The following KCNQ3 variants were observed in gnomAD, a reference collection of about 807,000 sequenced individuals.
The protein encoded by KCNQ3 is potassium voltage-gated channel subfamily KQT member 3.
A neutral mutation model predicts 92.5 loss-of-function variants in KCNQ3; 30 were observed. The ratio of observed to expected loss-of-function variants is 0.32; its 90% confidence interval spans 0.24 to 0.44. The LOEUF (loss-of-function observed/expected upper bound fraction) is 0.44. Ranked by LOEUF, KCNQ3 falls within the 20% of genes least tolerant of loss-of-function variation. The pLI, the probability that KCNQ3 is intolerant of heterozygous loss-of-function variation, is 1.00. For missense variants in KCNQ3, 913 were observed against 1,140.3 expected, an observed-to-expected ratio of 0.80 and a Z score of 2.87; for synonymous variants, 450 against 468.8, an observed-to-expected ratio of 0.96 and a Z score of 0.52.
At chr8:132,436,393 A>T (rs994354445) in intron 1 of KCNQ3, among the ~76,000 whole-genome samples, 3 of 152,244 alleles carry the variant, frequency 2.0e-5, no homozygotes, top group African/African-American at 7.2e-5. Flanking sequence ...CAGTATCTAG[A>T]TCCATGCGGA....
intron 1 of KCNQ3, among the ~76,000 whole-genome samples, chr8:132,246,848 T>C (rs142949929): frequency 8.5e-5 from 13 of 152,326 alleles, no homozygotes; most frequent in African/African-American, 3.1e-4. Context: ...CACCATGCAC[T>C]GCATGTGTGA....
At chr8:132,237,301 T>C (rs1376359506) in intron 1 of KCNQ3, among the ~76,000 whole-genome samples, 1 of 152,196 alleles carries the variant, frequency 6.6e-6, no homozygotes, top group Non-Finnish European at 1.5e-5. Context: ...ATGATGATGA[T>C]GATGGTACAA....
chr8:132,277,351 T>A (rs1265249889), intron 1 of KCNQ3, among the ~76,000 whole-genome samples: 1 of 152,186 alleles, frequency 6.6e-6, no homozygotes, highest in Non-Finnish European at 1.5e-5. Context: ...TCCTCCAACA[T>A]CTGGCCAAGC....
intron 1 of KCNQ3, among the ~76,000 whole-genome samples, chr8:132,320,875 G>A (rs985750925): frequency 6.6e-6 from 1 of 152,168 alleles, no homozygotes; most frequent in Non-Finnish European, 1.5e-5. Flanking sequence ...CTATTCACGT[G>A]CAACAGTGAG....
In KCNQ3 at chr8:132,123,998, G is replaced by A. The variant is rs1373200711; in HGVS notation, c.*5264C>T. 1 of 152,074 alleles carries A rather than the reference G, an allele frequency of 6.6e-6. No individual in the cohort carries two copies. Among genetic ancestry groups the A allele is most frequent in the Non-Finnish European group, 1.5e-5 (1 of 68,016 alleles). 9.4% of individuals were successfully genotyped at this position (152,074 alleles called of 1,614,324 possible). On this transcript the variant is annotated 3_prime_UTR_variant, in exon 15 of 15. Coordinates refer to ENST00000388996, the MANE Select transcript of KCNQ3 (RefSeq NM_004519.4). ...ACCATGCACAGTTGACTTTCCTTGG[G>A]AAATCATGAGTCTTTTATTTTTGCA...
chr8:132,393,579 G>A (rs1820107378), intron 1 of KCNQ3, among the ~76,000 whole-genome samples: 1 of 152,098 alleles, frequency 6.6e-6, no homozygotes, highest in Non-Finnish European at 1.5e-5. Context: ...TGCATAGTAG[G>A]TGTTTAATAA....
chr8:132,146,419 G>T (rs973389679), intron 9 of KCNQ3, among the ~76,000 whole-genome samples: 2 of 152,190 alleles, frequency 1.3e-5, no homozygotes, highest in African/African-American at 4.8e-5. Context: ...ACTTATATGG[G>T]ATATCAAGTG....
chr8:132,189,888 CAAAAA>C (rs776683880), intron 1 of KCNQ3, among the ~76,000 whole-genome samples: 1 of 64,084 alleles, frequency 1.6e-5, no homozygotes, highest in Non-Finnish European at 2.7e-5. Flanking sequence ...TAAAAATGAC[CAAAAA>C]AAAAAAAAAA....
intron 1 of KCNQ3, among the ~76,000 whole-genome samples, chr8:132,397,994 A>T (rs2130780107): frequency 6.6e-6 from 1 of 152,360 alleles, no homozygotes; most frequent in South Asian, 2.1e-4. Flanking sequence ...GCAAAAGCAT[A>T]CACCTTTCTT....
intron 1 of KCNQ3, among the ~76,000 whole-genome samples, chr8:132,247,271 T>C (rs1479477683): frequency 6.6e-6 from 1 of 152,200 alleles, no homozygotes; most frequent in East Asian, 1.9e-4. Flanking sequence ...ATCTGCACAA[T>C]GAAGCTAGAG....
chr8:132,244,417 A>C (rs1029299448), intron 1 of KCNQ3, among the ~76,000 whole-genome samples: 3 of 152,026 alleles, frequency 2.0e-5, no homozygotes, highest in African/African-American at 7.2e-5. Flanking sequence ...AGAGAAAAGA[A>C]GGAAGGAAGG....
intron 1 of KCNQ3, among the ~76,000 whole-genome samples, chr8:132,411,744 A>G (rs1820657461): frequency 6.6e-6 from 1 of 152,338 alleles, no homozygotes; most frequent in African/African-American, 2.4e-5. Context: ...GTTGCTGCCT[A>G]CAATGAGATC....
intron 1 of KCNQ3, among the ~76,000 whole-genome samples, chr8:132,453,682 T>C (rs1821876182): frequency 1.3e-5 from 2 of 152,136 alleles, no homozygotes; most frequent in Admixed American, 1.3e-4. Context: ...TCTGTTTTTT[T>C]TTTATCATCT....
chr8:132,411,350 T>C (rs1820646355), intron 1 of KCNQ3, among the ~76,000 whole-genome samples: 1 of 152,134 alleles, frequency 6.6e-6, no homozygotes, highest in South Asian at 2.1e-4. Flanking sequence ...TGCAGTGGGC[T>C]TGATTACAGG....
At chr8:132,452,945 G>A (rs891642819) in intron 1 of KCNQ3, among the ~76,000 whole-genome samples, 1 of 152,186 alleles carries the variant, frequency 6.6e-6, no homozygotes, top group East Asian at 1.9e-4. Context: ...AAATAAACAT[G>A]TAACTTACAG....
intron 1 of KCNQ3, among the ~76,000 whole-genome samples, chr8:132,331,582 T>G (rs1818231533): frequency 6.6e-6 from 1 of 152,154 alleles, no homozygotes; most frequent in Admixed American, 6.5e-5. Context: ...CCCTCTTCTC[T>G]TCTGATTTCT....
In KCNQ3 at chr8:132,175,588, G is replaced by A; in HGVS notation, c.798C>T (p.Tyr266=). The change falls in exon 5 of 15, where the codon TAC becomes TAT. Residue 266 remains tyrosine, a synonymous_variant. Coordinates refer to ENST00000388996, the MANE Select transcript of KCNQ3 (RefSeq NM_004519.4). ...AAAGGATGAGTGTCAGGAAACCGAT[G>A]TACCAGGCCGTGATGAGTTCCTGAA... ...AHSKELITAW[Y]IGFLTLILSS... The A allele has an allele frequency of 1.9e-6, 3 of 1,614,140 alleles. No individual in the cohort carries two copies. Among genetic ancestry groups the A allele is most frequent in the Non-Finnish European group, 2.5e-6 (3 of 1,180,002 alleles).
chr8:132,156,027 G>T, intron 9 of KCNQ3, among the ~76,000 whole-genome samples: 1 of 152,148 alleles, frequency 6.6e-6, no homozygotes, highest in African/African-American at 2.4e-5. Context: ...GAGGATCTAT[G>T]AGGATGATTC....
chr8:132,293,244 A>G (rs1263427832), intron 1 of KCNQ3, among the ~76,000 whole-genome samples: 3 of 152,228 alleles, frequency 2.0e-5, no homozygotes, highest in African/African-American at 7.2e-5. Context: ...TCGAACTCAA[A>G]GAGGGGGTCA....
Sources: allele counts gnomAD v4.1 joint callset (sites outside exome capture counted in the v4.1 genomes callset), GRCh38; gene constraint gnomAD v4.1.1; transcripts MANE v1.5; gene names NCBI Gene and HGNC (gene_info 2026-07-23, HGNC 2026-07-21).